The following DYNC2H1 variants were observed in gnomAD, a reference collection of about 807,000 sequenced individuals.
DYNC2H1 encodes cytoplasmic dynein 2 heavy chain 1.
DYNC2H1 carries 410 observed loss-of-function variants against 570.0 expected under a neutral mutation model. That is an observed-to-expected ratio of 0.72 (90% CI 0.66 to 0.78). The LOEUF (loss-of-function observed/expected upper bound fraction) is 0.78, where lower values mean the gene tolerates loss of function less well. DYNC2H1 is among the 30% of genes least tolerant of loss of function. The probability of loss-of-function intolerance (pLI) is 0.00; values close to 1 mark genes in which losing one functional copy is unlikely to be tolerated. For synonymous variants in DYNC2H1, 1,688 were observed against 1,677.6 expected, an observed-to-expected ratio of 1.01 and a Z score of -0.15; for missense variants, 4,865 against 5,046.4, an observed-to-expected ratio of 0.96 and a Z score of 1.09.
intron 84 of DYNC2H1, among the ~76,000 whole-genome samples, chr11:103,417,988 A>AT (rs1311796596): frequency 6.6e-6 from 1 of 151,318 alleles, no homozygotes; most frequent in Non-Finnish European, 1.5e-5. Context: ...GCTAGTCGTG[A>AT]TTAAAAAAAA....
At chr11:103,453,615 CATAT>C (rs66628059) in intron 85 of DYNC2H1, among the ~76,000 whole-genome samples, 2,099 of 136,506 alleles carry the variant, frequency 0.015, 55 homozygotes, top group African/African-American at 0.043. Context: ...TTAGTTTAGA[CATAT>C]ATATATATAT....
intron 82 of DYNC2H1, among the ~76,000 whole-genome samples, chr11:103,337,164 C>T (rs1939181802): frequency 6.6e-6 from 1 of 152,162 alleles, no homozygotes; most frequent in South Asian, 2.1e-4. Flanking sequence ...CTAGCCAGAG[C>T]CTATCCCTTT....
intron 3 of DYNC2H1, among the ~76,000 whole-genome samples, chr11:103,114,667 G>C (rs941562756): frequency 6.6e-6 from 1 of 152,226 alleles, no homozygotes; most frequent in East Asian, 1.9e-4. Flanking sequence ...TTGTTCCTAG[G>C]AGCAATACAA....
intron 82 of DYNC2H1, among the ~76,000 whole-genome samples, chr11:103,349,860 A>G (rs1189612805): frequency 3.9e-5 from 6 of 152,176 alleles, no homozygotes; most frequent in Non-Finnish European, 8.8e-5. Flanking sequence ...ACAAATCACC[A>G]ACATAAATTA....
chr11:103,404,173 C>T (rs549026446), intron 84 of DYNC2H1: 4 of 151,972 alleles, frequency 2.6e-5, no homozygotes, highest in Non-Finnish European at 5.9e-5. Context: ...GCCATTAAGA[C>T]ATACAGGGTT....
intron 52 of DYNC2H1, among the ~76,000 whole-genome samples, chr11:103,206,794 C>G (rs7115369): frequency 6.6e-6 from 1 of 151,970 alleles, no homozygotes; most frequent in African/African-American, 2.4e-5. Context: ...TGGAAAAAGC[C>G]GTATTGGAAT....
In DYNC2H1 at chr11:103,204,708, T is replaced by A; in HGVS notation, c.8312-114T>A. The A allele has an allele frequency of 1.4e-6, 1 of 699,970 alleles. No homozygotes were observed. The highest frequency in any genetic ancestry group is 2.3e-6 in the Non-Finnish European group (1 of 438,604). The allele number at this position is 699,970 out of a possible 1,614,324, so 43.4% of individuals were successfully genotyped here. On this transcript the variant is annotated intron_variant, in intron 51 of 88. Coordinates refer to ENST00000375735, the MANE Select transcript of DYNC2H1 (RefSeq NM_001377.3). The surrounding 1 kb of genome is among the most constrained non-coding windows in gnomAD (Gnocchi z 4.1). ...ATCATAACATAATATTGTTTTATAT[T>A]GTGCTCGTTTTAAGAAACAACTCCT...
At chr11:103,283,697 C>T (rs1166762955) in intron 73 of DYNC2H1, among the ~76,000 whole-genome samples, 3 of 152,070 alleles carry the variant, frequency 2.0e-5, no homozygotes, top group Non-Finnish European at 4.4e-5. Context: ...GAAATTAAGG[C>T]ACATAGAGAT....
At chr11:103,270,029 C>T (rs141812281) in intron 70 of DYNC2H1, among the ~76,000 whole-genome samples, 295 of 151,924 alleles carry the variant, frequency 1.9e-3, no homozygotes, top group African/African-American at 6.8e-3. Context: ...GCCATCTCTA[C>T]TGAAAATACA....
chr11:103,341,024 A>T (rs540721861), intron 82 of DYNC2H1, among the ~76,000 whole-genome samples: 1 of 152,248 alleles, frequency 6.6e-6, no homozygotes, highest in South Asian at 2.1e-4. Flanking sequence ...CTGTAACATG[A>T]TTGGTGGAAC....
In DYNC2H1 at chr11:103,222,239, C is replaced by T. The variant is rs669940; in HGVS notation, c.9231+86C>T. 855,255 of 924,090 alleles carry T rather than the reference C, an allele frequency of 0.93. 395,998 individuals carry two copies. The highest frequency in any genetic ancestry group is 0.94 in the Admixed American group (29,277 of 31,010). The allele number at this position is 924,090 out of a possible 1,614,324, so 57.2% of individuals were successfully genotyped here. A position where few individuals can be genotyped will look rare whatever the true frequency, so the allele number is the denominator to read the frequency against. ...AAATGTGGTGCTTTGTCATTGCCAA[C>T]TGTTTAGATCACCTAAAAATGAAAA... On this transcript the variant is annotated intron_variant, in intron 58 of 88. Transcript: ENST00000375735.
At chr11:103,404,476 G>A (rs1942778673) in intron 84 of DYNC2H1, 1 of 149,884 alleles carries the variant, frequency 6.7e-6, no homozygotes, top group African/African-American at 2.5e-5. Context: ...AGTGAGATAA[G>A]TGAGCCTACT....
intron 28 of DYNC2H1, among the ~76,000 whole-genome samples, chr11:103,159,300 G>T (rs1411173843): frequency 6.6e-6 from 1 of 152,134 alleles, no homozygotes; most frequent in African/African-American, 2.4e-5. Context: ...GCATCATGAA[G>T]TAAGTGACAT....
intron 83 of DYNC2H1, among the ~76,000 whole-genome samples, chr11:103,394,396 A>G (rs2135625255): frequency 6.6e-6 from 1 of 152,264 alleles, no homozygotes; most frequent in East Asian, 1.9e-4. Flanking sequence ...GCTTACTTAC[A>G]TTGTATTAGG....
Position 103,141,397 on chromosome 11 carries a change from C to T in DYNC2H1, c.2575-1871C>T, listed in dbSNP as rs185367128. Reference sequence around the variant, plus strand: ...TGGGTTTTTGGTGTGGATGTCCTTTCTGTTTGTTAGTTTTCCTTCTACCAG... The same window carrying T: ...TGGGTTTTTGGTGTGGATGTCCTTTTTGTTTGTTAGTTTTCCTTCTACCAG... On this transcript the variant is annotated intron_variant, in intron 17 of 88. Transcript: ENST00000375735. 1.4e-3 allele frequency among the ~76,000 whole-genome samples: 215 copies of T among 152,218 alleles called. 2 individuals carry two copies. Among genetic ancestry groups the T allele is most frequent in the African/African-American group, 5.1e-3 (210 of 41,538 alleles).
chr11:103,163,223 A>G lies in DYNC2H1; in HGVS notation c.4611+76A>G. On this transcript the variant is annotated intron_variant, in intron 30 of 88. Transcript: ENST00000375735. This position sits in a 1 kb window ranked among gnomAD's most constrained non-coding sequence, Gnocchi z 4.6. ...CCCTGACCTAGAAGCCAGGAGGCTC[A>G]GATAAATCGCATCTGTTTTCTCCCT... 6.7e-7 allele frequency: 1 copy of G among 1,483,852 alleles called. No individual in the cohort carries two copies. Among genetic ancestry groups the G allele is most frequent in the Non-Finnish European group, 9.0e-7 (1 of 1,107,630 alleles). The allele number at this position is 1,483,852 out of a possible 1,614,324, so 91.9% of individuals were successfully genotyped here. A position where few individuals can be genotyped will look rare whatever the true frequency, so the allele number is the denominator to read the frequency against.
rs780310171 is a variant in DYNC2H1 at position 103,399,849 on chromosome 11, G to T, written c.12343G>T (p.Ala4115Ser). The change falls in exon 84 of 89, where the codon GCA (alanine) becomes TCA (serine). Residue 4115 changes from alanine to serine, a missense_variant. Coordinates refer to ENST00000375735, the MANE Select transcript of DYNC2H1 (RefSeq NM_001377.3). ...ACTGAGTTCAGAAGTACAAAAATTGGCAAGTGCTTTATTAAACCAAAAGGT... is the reference window on the plus strand; with the variant it reads ...ACTGAGTTCAGAAGTACAAAAATTGTCAAGTGCTTTATTAAACCAAAAGGT... ...TLLSSEVQKL[A>S]SALLNQKCPL... The T allele has an allele frequency of 7.4e-6, 12 of 1,613,620 alleles. No individual in the cohort carries two copies. Among genetic ancestry groups the T allele is most frequent in the Non-Finnish European group, 9.3e-6 (11 of 1,179,750 alleles).
chr11:103,194,697 T>C (rs1862450559), intron 47 of DYNC2H1, among the ~76,000 whole-genome samples: 1 of 152,152 alleles, frequency 6.6e-6, no homozygotes, highest in South Asian at 2.1e-4. Flanking sequence ...TCTTCATTTC[T>C]TTTATCCATT....
At position 103,239,487 on chromosome 11, in the gene DYNC2H1, C is replaced by A. The variant is rs1010292127; in HGVS notation, c.9819+2948C>A. Reference sequence around the variant, plus strand: ...TAACTCATGTAATTCTCAAATCAACCCAATCTGTTAGATTCATGTGTTATC... The same window carrying A: ...TAACTCATGTAATTCTCAAATCAACACAATCTGTTAGATTCATGTGTTATC... On this transcript the variant is annotated intron_variant, in intron 63 of 88. Coordinates refer to ENST00000375735, the MANE Select transcript of DYNC2H1 (RefSeq NM_001377.3). The surrounding 1 kb of genome is among the most constrained non-coding windows in gnomAD (Gnocchi z 4.3). Among the ~76,000 whole-genome samples the A allele has an allele frequency of 6.6e-6, 1 of 151,978 alleles. No individual in the cohort carries two copies. Among genetic ancestry groups the A allele is most frequent in the African/African-American group, 2.4e-5 (1 of 41,376 alleles).
Sources: gnomAD v4.1 joint callset for allele counts (sites outside exome capture counted in the v4.1 genomes callset) on GRCh38, gnomAD v4.1.1 for gene constraint, Gnocchi (gnomAD v3.1) non-coding constraint, MANE v1.5 for transcripts, NCBI Gene and HGNC (gene_info 2026-07-23, HGNC 2026-07-21) for gene names.